Variants in CCDC171 observed in about 807,000 individuals in gnomAD.
The protein encoded by CCDC171 is coiled-coil domain containing 171.
A neutral mutation model predicts 168.2 loss-of-function variants in CCDC171; 177 were observed. The observed-to-expected ratio is 1.05, with a 90% CI of 0.93 to 1.19. CCDC171 has a LOEUF of 1.19. CCDC171 is among the 50% of genes most tolerant of loss of function. The pLI is 0.00. For synonymous variants in CCDC171, 687 were observed against 540.8 expected, an observed-to-expected ratio of 1.27 and a Z score of -3.75; for missense variants, 1,991 against 1,539.0, an observed-to-expected ratio of 1.29 and a Z score of -4.91.
At chr9:15,872,391 G>GT (rs1338829032) in intron 23 of CCDC171, among the ~76,000 whole-genome samples, 1 of 152,036 alleles carries the variant, frequency 6.6e-6, no homozygotes. Flanking sequence ...ACTGTTCACT[G>GT]TATGTCAAGC....
At chr9:16,003,891 T>C (rs1832625810) in intron 3 of CCDC171, among the ~76,000 whole-genome samples, 1 of 152,204 alleles carries the variant, frequency 6.6e-6, no homozygotes, top group Admixed American at 6.5e-5. Flanking sequence ...AGCCAGGTCC[T>C]GTGGACAGAA....
intron 7 of CCDC171, among the ~76,000 whole-genome samples, chr9:15,644,889 G>C (rs924108955): frequency 6.6e-6 from 1 of 152,224 alleles, no homozygotes; most frequent in African/African-American, 2.4e-5. Flanking sequence ...GCTTTGAAGA[G>C]AGTAGTGGTT....
At chr9:15,738,493 G>A (rs1308306293) in intron 16 of CCDC171, among the ~76,000 whole-genome samples, 6 of 151,950 alleles carry the variant, frequency 3.9e-5, no homozygotes, top group Non-Finnish European at 5.9e-5. Context: ...ATTATTTTTC[G>A]AAATTAAACA....
chr9:15,950,881 C>T (rs970964293), intron 25 of CCDC171, among the ~76,000 whole-genome samples: 2 of 151,162 alleles, frequency 1.3e-5, no homozygotes, highest in African/African-American at 4.8e-5. Context: ...GGAAAGCCAT[C>T]TCACGTGCAG....
chr9:15,987,553 A>T (rs934926150), intron 3 of CCDC171, among the ~76,000 whole-genome samples: 1 of 152,236 alleles, frequency 6.6e-6, no homozygotes, highest in Non-Finnish European at 1.5e-5. Flanking sequence ...TACAAGATTG[A>T]CTGTAGCCTT....
chr9:15,817,365 T>G lies in CCDC171; in HGVS notation c.3268-29337T>G, dbSNP rs2059598096. ...AGTGGGTGCAGGACAGTGGGTGCAG[T>G]GCAGCAAGCATGAGCCGAAGCAGGG... On this transcript the variant is annotated intron_variant, in intron 21 of 25. Coordinates refer to ENST00000380701, the MANE Select transcript of CCDC171 (RefSeq NM_173550.4). Among the ~76,000 whole-genome samples, 3 of 117,148 alleles carry G rather than the reference T, an allele frequency of 2.6e-5. 1 individual carries two copies. The highest frequency in any genetic ancestry group is 3.2e-5 in the African/African-American group (1 of 31,162). 76.9% of individuals were successfully genotyped at this position (117,148 alleles called of 152,430 possible).
At chr9:15,863,232 C>T (rs960853541) in intron 23 of CCDC171, among the ~76,000 whole-genome samples, 4 of 152,012 alleles carry the variant, frequency 2.6e-5, no homozygotes, top group African/African-American at 9.7e-5. Context: ...CTGGTAATAA[C>T]GATGCTGTGC....
At chr9:15,984,647 A>G (rs1364562043) in intron 3 of CCDC171, among the ~76,000 whole-genome samples, 1 of 152,120 alleles carries the variant, frequency 6.6e-6, no homozygotes, top group East Asian at 1.9e-4. Flanking sequence ...TATTCATTTA[A>G]TGGACTATCA....
intron 25 of CCDC171, among the ~76,000 whole-genome samples, chr9:15,942,634 C>G (rs1410444): frequency 0.33 from 49,442 of 151,678 alleles, 10,164 homozygotes; most frequent in East Asian, 0.62. Context: ...AAAAATAATG[C>G]AAAGAATGGA....
intron 21 of CCDC171, among the ~76,000 whole-genome samples, chr9:15,813,065 T>C (rs947977503): frequency 2.6e-5 from 4 of 152,066 alleles, no homozygotes; most frequent in African/African-American, 9.7e-5. Context: ...AAATGGGTAT[T>C]TGGTGGCCAA....
rs148923676 is a variant in CCDC171, at chr9:16,058,454, C to G, written n.90-2192C>G. 4.0e-3 allele frequency among the ~76,000 whole-genome samples: 607 copies of G among 152,302 alleles called. 1 individual carries two copies. The highest frequency in any genetic ancestry group is 0.014 in the African/African-American group (577 of 41,554). On this transcript the variant is annotated intron_variant and non_coding_transcript_variant, in intron 1 of 1. Transcript: ENST00000478913. ...CCTCGCCGGCGTGCACAAGTCACCT[C>G]CCCGTCCAGATGTGTTTGTGAGCAT...
chr9:15,886,892 G>A (rs559925156), intron 24 of CCDC171: 1 of 152,166 alleles, frequency 6.6e-6, no homozygotes, highest in East Asian at 1.9e-4. Flanking sequence ...GACGCAGAAA[G>A]AAAAATACTG....
chr9:16,071,965 G>A, the CCDC171 span, among the ~76,000 whole-genome samples: 1 of 151,648 alleles, frequency 6.6e-6, no homozygotes. Context: ...CCTCACTGTT[G>A]TATATCATCC....
chr9:15,593,389 A>C (rs542329550), intron 5 of CCDC171, among the ~76,000 whole-genome samples: 30 of 152,320 alleles, frequency 2.0e-4, no homozygotes, highest in African/African-American at 7.2e-4. Flanking sequence ...TACACCTCAG[A>C]AAACCCAAAA....
chr9:15,801,553 A>G (rs141095784), intron 21 of CCDC171, among the ~76,000 whole-genome samples: 1 of 152,052 alleles, frequency 6.6e-6, no homozygotes, highest in East Asian at 1.9e-4. Flanking sequence ...AGATCATATC[A>G]TCTGCAAACA....
rs1375296714 is a variant in CCDC171 at position 15,817,809 on chromosome 9, A to T, written c.3268-28893A>T. ...CAAAAGGCAGCAATAACCTCTGCAGACTTAAATGTCCCTGTCTGACAGCTT... is the reference window on the plus strand; with the variant it reads ...CAAAAGGCAGCAATAACCTCTGCAGTCTTAAATGTCCCTGTCTGACAGCTT... On this transcript the variant is annotated intron_variant, in intron 21 of 25. Transcript: ENST00000380701. Among the ~76,000 whole-genome samples the T allele has an allele frequency of 1.2e-3, 145 of 118,180 alleles. 46 individuals carry two copies. The highest frequency in any genetic ancestry group is 4.2e-3 in the African/African-American group (132 of 31,492). The allele number at this position is 118,180 out of a possible 152,430, so 77.5% of individuals were successfully genotyped here.
chr9:15,908,831 G>C (rs551635787), intron 24 of CCDC171, among the ~76,000 whole-genome samples: 1 of 152,102 alleles, frequency 6.6e-6, no homozygotes, highest in Non-Finnish European at 1.5e-5. Context: ...GGGAGAGGGA[G>C]GTGCCACATG....
At chr9:15,896,302 C>G (rs1388677407) in intron 24 of CCDC171, among the ~76,000 whole-genome samples, 1 of 151,896 alleles carries the variant, frequency 6.6e-6, no homozygotes, top group Non-Finnish European at 1.5e-5. Flanking sequence ...AAACAAGATA[C>G]AAAGAAAACA....
chr9:15,984,336 G>A (rs1026046368), intron 3 of CCDC171, among the ~76,000 whole-genome samples: 5 of 152,166 alleles, frequency 3.3e-5, no homozygotes, highest in Non-Finnish European at 7.3e-5. Flanking sequence ...TAGTGTCACT[G>A]TGGTTAGGTA....
Sources: gnomAD v4.1 joint callset for allele counts (sites outside exome capture counted in the v4.1 genomes callset) on GRCh38, gnomAD v4.1.1 for gene constraint, MANE v1.5 for transcripts, NCBI Gene and HGNC (gene_info 2026-07-23, HGNC 2026-07-21) for gene names.